PCDHGB1: variants seen among roughly 807,000 people sequenced by gnomAD.
PCDHGB1 encodes the protein protocadherin gamma-B1.
PCDHGB1 carries 34 observed loss-of-function variants against 56.6 expected under a neutral mutation model. That is an observed-to-expected ratio of 0.60 (90% confidence interval 0.46 to 0.80). The LOEUF (loss-of-function observed/expected upper bound fraction) is 0.80. Ranked by LOEUF, PCDHGB1 falls within the 30% of genes least tolerant of loss-of-function variation. The pLI is 0.00. For missense variants in PCDHGB1, 1,278 were observed against 1,204.6 expected, an observed-to-expected ratio of 1.06 and a Z score of -0.90; for synonymous variants, 561 against 505.9, an observed-to-expected ratio of 1.11 and a Z score of -1.46.
chr5:141,395,053 A>T (rs1210765378), intron 1 of PCDHGB1: 1 of 1,614,062 alleles, frequency 6.2e-7, no homozygotes, highest in East Asian at 2.2e-5. Context: ...GAGGAGGTAC[A>T]GGCTTTCCTG....
chr5:141,427,654 T>C (rs2097054872), intron 1 of PCDHGB1: 3 of 727,622 alleles, frequency 4.1e-6, no homozygotes, highest in Non-Finnish European at 7.4e-6. Context: ...TCCTACGTGG[T>C]CCACGTGGCC....
chr5:141,431,239 G>A lies in PCDHGB1; in HGVS notation c.2410-63568G>A. 6.2e-7 allele frequency: 1 copy of A among 1,614,152 alleles called. No homozygotes were observed. The highest frequency in any genetic ancestry group is 1.3e-5 in the African/African-American group (1 of 75,062). On this transcript the variant is annotated intron_variant, in intron 1 of 3. Transcript: ENST00000523390. This position sits in a 1 kb window ranked among gnomAD's most constrained non-coding sequence, Gnocchi z 4.8. ...TCCCTCTACCCCACGCCTGGGATCC[G>A]GATATCGGGAAGAACTCTCTGCAGA...
rs753994650 is a variant in PCDHGB1 at position 141,362,173 on chromosome 5, G to A, written c.2409+9504G>A. ...ATTGCCAGACCTCAGCGACCGCCGG[G>A]AGCCCTCTGACCCCCAGGCAAAACT... On this transcript the variant is annotated intron_variant, in intron 1 of 3. Transcript: ENST00000523390. 8.7e-6 allele frequency: 14 copies of A among 1,614,042 alleles called. No individual in the cohort carries two copies. In the South Asian group the frequency reaches 1.4e-4, roughly 16 times the overall value.
intron 1 of PCDHGB1, among the ~76,000 whole-genome samples, chr5:141,438,655 T>G (rs1436221152): frequency 7.1e-6 from 1 of 140,042 alleles, no homozygotes; most frequent in East Asian, 2.1e-4. Flanking sequence ...CACACACATA[T>G]ATGTATATAT....
At chr5:141,369,589 A>C (rs1339057936) in intron 1 of PCDHGB1, among the ~76,000 whole-genome samples, 4 of 152,238 alleles carry the variant, frequency 2.6e-5, no homozygotes, top group Non-Finnish European at 5.9e-5. Flanking sequence ...GCTTTTTACT[A>C]TACTTCTATT....
chr5:141,367,277 G>T (rs1319740168), intron 1 of PCDHGB1: 2 of 153,324 alleles, frequency 1.3e-5, no homozygotes, highest in African/African-American at 4.8e-5. Context: ...GGTGGCTGAC[G>T]CCTGTAATCC....
In PCDHGB1 at chr5:141,486,866, G is replaced by A; in HGVS notation, c.2410-7941G>A. Reference sequence around the variant, plus strand: ...GGACCTCAATGACAATGCTCCAGCTGTGCTCCGTCCTCGGGCCCGGCCTGG... The same window carrying A: ...GGACCTCAATGACAATGCTCCAGCTATGCTCCGTCCTCGGGCCCGGCCTGG... On this transcript the variant is annotated intron_variant, in intron 1 of 3. Transcript: ENST00000523390. The surrounding 1 kb of genome is among the most constrained non-coding windows in gnomAD (Gnocchi z 5.0). 6.2e-7 allele frequency: 1 copy of A among 1,614,202 alleles called. No homozygotes were observed. The highest frequency in any genetic ancestry group is 8.5e-7 in the Non-Finnish European group (1 of 1,180,038).
At chr5:141,374,059 C>T in intron 1 of PCDHGB1, 1 of 1,489,738 alleles carries the variant, frequency 6.7e-7, no homozygotes, top group Non-Finnish European at 8.9e-7. Flanking sequence ...TTCTTAATCC[C>T]AGAGAAGTTC....
At chr5:141,365,947 C>A (rs752957428) in intron 1 of PCDHGB1, 1 of 1,613,770 alleles carries the variant, frequency 6.2e-7, no homozygotes, top group East Asian at 2.2e-5. Flanking sequence ...ACAGTGGGAA[C>A]CCTCCACTTA....
rs757771594 is a variant in PCDHGB1, at chr5:141,352,462, G to A, written c.2202G>A (p.Gly734=). Residue 734 remains glycine, a synonymous_variant, in exon 1 of 4, where the codon GGG becomes GGA. Transcript: ENST00000523390. ...GTCTCTGCTCCAAGTCTGGGCCCGG[G>A]GTTCCTCCCAACCACAGCGAGGGGA... The part of the protein sequence containing the change: ...QTGLCSKSGP[G]VPPNHSEGTL... 2 of 1,613,998 alleles carry A rather than the reference G, an allele frequency of 1.2e-6. No homozygotes were observed. The highest frequency in any genetic ancestry group is 1.1e-5 in the South Asian group (1 of 91,070).
chr5:141,477,274 G>A lies in PCDHGB1; in HGVS notation c.2410-17533G>A. The A allele has an allele frequency of 2.5e-6, 4 of 1,614,034 alleles. No homozygotes were observed. Among genetic ancestry groups the A allele is most frequent in the East Asian group, 2.2e-5 (1 of 44,880 alleles). ...ACCTGGATGCTGGCGAGAACGGGCT[G>A]GTGACCTGCGAAGTTCCACCGGGTC... On this transcript the variant is annotated intron_variant, in intron 1 of 3. Coordinates refer to ENST00000523390, the MANE Select transcript of PCDHGB1 (RefSeq NM_018922.3). This position sits in a 1 kb window ranked among gnomAD's most constrained non-coding sequence, Gnocchi z 4.9.
At chr5:141,365,777 G>T (rs543335678) in intron 1 of PCDHGB1, 1 of 1,613,854 alleles carries the variant, frequency 6.2e-7, no homozygotes, top group South Asian at 1.1e-5. Context: ...CGACAGCGGC[G>T]ACAACGCTCG....
chr5:141,505,155 C>T (rs2099844224), intron 2 of PCDHGB1, among the ~76,000 whole-genome samples: 1 of 152,162 alleles, frequency 6.6e-6, no homozygotes, highest in Non-Finnish European at 1.5e-5. Context: ...GAGTAAGACC[C>T]TGTCTAAAAC....
chr5:141,360,290 A>G, intron 1 of PCDHGB1: 4 of 1,614,018 alleles, frequency 2.5e-6, no homozygotes, highest in Non-Finnish European at 3.4e-6. Flanking sequence ...AACCTCGCCA[A>G]GGATCTGGGG....
intron 1 of PCDHGB1, chr5:141,361,665 G>C: frequency 1.2e-6 from 2 of 1,613,696 alleles, no homozygotes; most frequent in Non-Finnish European, 1.7e-6. Context: ...TGAGCGCGCA[G>C]AGCGGGGTGG....
At chr5:141,428,823 T>C (rs2097162740) in intron 1 of PCDHGB1, 1 of 152,274 alleles carries the variant, frequency 6.6e-6, no homozygotes, top group Non-Finnish European at 1.5e-5. Context: ...TTAGCTTTCA[T>C]GTATTTTTGA....
intron 1 of PCDHGB1, chr5:141,365,896 T>A: frequency 6.2e-6 from 10 of 1,614,212 alleles, no homozygotes; most frequent in Non-Finnish European, 8.5e-6. Flanking sequence ...CCTTCGACTA[T>A]GAGCAGTTGA....
At chr5:141,382,798 A>C in intron 1 of PCDHGB1, 2 of 1,017,066 alleles carry the variant, frequency 2.0e-6, no homozygotes, top group Admixed American at 2.4e-5. Context: ...ATCCTGCTGG[A>C]TTCTGAGCTC....
intron 1 of PCDHGB1, chr5:141,409,830 G>C: frequency 6.2e-7 from 1 of 1,611,250 alleles, no homozygotes; most frequent in Non-Finnish European, 8.5e-7. Context: ...CCCACGCTCA[G>C]CGCCAACGTG....
Sources: gnomAD v4.1 joint callset for allele counts (sites outside exome capture counted in the v4.1 genomes callset) on GRCh38, gnomAD v4.1.1 for gene constraint, Gnocchi (gnomAD v3.1) non-coding constraint, MANE v1.5 for transcripts, NCBI Gene and HGNC (gene_info 2026-07-23, HGNC 2026-07-21) for gene names.